Variants in PCDH9 observed in about 807,000 individuals in gnomAD.
PCDH9 encodes the protein protocadherin 9, also known as protocadherin-9.
A neutral mutation model predicts 70.6 loss-of-function variants in PCDH9; 24 were observed. The observed-to-expected ratio is 0.34, with a 90% CI of 0.25 to 0.48. The LOEUF is 0.48. Among genes scored for constraint, PCDH9 ranks in the 20% least tolerant of loss-of-function variants. PCDH9 has a pLI of 0.99. For synonymous variants in PCDH9, 562 were observed against 558.5 expected (o/e 1.01, Z -0.09); for missense variants, 1,281 against 1,503.6 (o/e 0.85, Z 2.45).
Position 67,226,104 on chromosome 13 carries a change from T to C in PCDH9, c.2337A>G (p.Gly779=). The change falls in exon 2 of 5, where the codon GGA becomes GGG. Residue 779 remains glycine, a synonymous_variant. Transcript: ENST00000377865. This position sits in a 1 kb window ranked among gnomAD's most constrained non-coding sequence, Gnocchi z 5.0. The part of the protein sequence containing the change: ...LVFLYVNDTA[G]NASYIYDLIR... Reference sequence around the variant, plus strand: ...TCAAGTCATAGATATAGGAGGCATTTCCAGCAGTGTCGTTAACATAAAGGA... The same window carrying C: ...TCAAGTCATAGATATAGGAGGCATTCCCAGCAGTGTCGTTAACATAAAGGA... 6.2e-7 allele frequency: 1 copy of C among 1,614,128 alleles called. No individual in the cohort carries two copies. Among genetic ancestry groups the C allele is most frequent in the Non-Finnish European group, 8.5e-7 (1 of 1,180,018 alleles).
intron 4 of PCDH9, among the ~76,000 whole-genome samples, chr13:66,317,137 T>C (rs1421795303): frequency 6.6e-6 from 1 of 152,156 alleles, no homozygotes; most frequent in Non-Finnish European, 1.5e-5. Context: ...ACACTTTGCT[T>C]TTTTCATACA....
chr13:66,509,096 G>T (rs1425872107), intron 4 of PCDH9, among the ~76,000 whole-genome samples: 4 of 152,114 alleles, frequency 2.6e-5, no homozygotes, highest in Non-Finnish European at 5.9e-5. Flanking sequence ...ATTCTCACGG[G>T]CATACACTGT....
intron 4 of PCDH9, among the ~76,000 whole-genome samples, chr13:66,519,529 C>T (rs927191655): frequency 3.3e-5 from 5 of 151,940 alleles, no homozygotes; most frequent in South Asian, 2.1e-4. Context: ...CTTCCATATA[C>T]GAAAAATAAA....
intron 2 of PCDH9, among the ~76,000 whole-genome samples, chr13:66,977,035 T>C (rs2083634060): frequency 6.6e-6 from 1 of 152,162 alleles, no homozygotes; most frequent in South Asian, 2.1e-4. Context: ...GTCTGTCATC[T>C]TTAAATGCTT....
chr13:66,448,616 C>T (rs1958144490), intron 4 of PCDH9, among the ~76,000 whole-genome samples: 1 of 152,134 alleles, frequency 6.6e-6, no homozygotes, highest in South Asian at 2.1e-4. Flanking sequence ...TTTGATAATA[C>T]CACATCACAG....
intron 4 of PCDH9, among the ~76,000 whole-genome samples, chr13:66,589,734 C>G (rs2077014721): frequency 6.6e-6 from 1 of 151,922 alleles, no homozygotes; most frequent in South Asian, 2.1e-4. Flanking sequence ...CTCTCTTATC[C>G]TATTTTCAAC....
chr13:67,194,861 A>G (rs1360231501), intron 2 of PCDH9, among the ~76,000 whole-genome samples: 1 of 152,206 alleles, frequency 6.6e-6, no homozygotes, highest in Non-Finnish European at 1.5e-5. Flanking sequence ...ACAAAACAAA[A>G]TAAAACAAAA....
chr13:67,207,294 C>T (rs1593620735), intron 2 of PCDH9: 1 of 151,988 alleles, frequency 6.6e-6, no homozygotes, highest in Non-Finnish European at 1.5e-5. Flanking sequence ...ATGATAGAGA[C>T]AGTATTAATT....
At chr13:66,678,043 A>G (rs558053501) in intron 3 of PCDH9, among the ~76,000 whole-genome samples, 1 of 152,154 alleles carries the variant, frequency 6.6e-6, no homozygotes, top group African/African-American at 2.4e-5. Flanking sequence ...GTTATTCAAC[A>G]ATCATGAACA....
chr13:66,712,693 C>T (rs191160777), intron 3 of PCDH9, among the ~76,000 whole-genome samples: 26 of 152,064 alleles, frequency 1.7e-4, no homozygotes, highest in African/African-American at 6.3e-4. Flanking sequence ...TTTTTATTTT[C>T]TATTGTTGCT....
chr13:67,107,383 A>G (rs1235329897), intron 2 of PCDH9, among the ~76,000 whole-genome samples: 3 of 152,156 alleles, frequency 2.0e-5, no homozygotes, highest in Non-Finnish European at 4.4e-5. Flanking sequence ...ATCAACACGC[A>G]TATTCTAAAG....
intron 4 of PCDH9, among the ~76,000 whole-genome samples, chr13:66,458,408 T>C (rs755644181): frequency 5.3e-5 from 8 of 152,090 alleles, no homozygotes; most frequent in Non-Finnish European, 1.2e-4. Context: ...AATAAATCTA[T>C]GTATTGGATT....
intron 3 of PCDH9, among the ~76,000 whole-genome samples, chr13:66,644,706 A>T (rs1332477058): frequency 1.3e-5 from 2 of 152,014 alleles, no homozygotes; most frequent in Non-Finnish European, 2.9e-5. Context: ...TTCAAAAAAA[A>T]GTACTTCTGC....
intron 4 of PCDH9, among the ~76,000 whole-genome samples, chr13:66,410,218 CAATGGAAAT>C (rs1957346364): frequency 4.7e-5 from 7 of 149,994 alleles, no homozygotes; most frequent in Admixed American, 4.6e-4. Flanking sequence ...AAAAAAAGCT[CAATGGAAAT>C]TTTTAAAATG....
At chr13:66,727,844 CT>C (rs1174827214) in intron 3 of PCDH9, among the ~76,000 whole-genome samples, 61 of 152,116 alleles carry the variant, frequency 4.0e-4, no homozygotes, top group African/African-American at 1.3e-3. Flanking sequence ...AATATCATAT[CT>C]AAATTAAATG....
intron 3 of PCDH9, among the ~76,000 whole-genome samples, chr13:66,783,897 A>G (rs1035403553): frequency 2.0e-5 from 3 of 152,158 alleles, no homozygotes; most frequent in Non-Finnish European, 4.4e-5. Context: ...TTTTAAATTC[A>G]TTTTAATGAT....
intron 2 of PCDH9, among the ~76,000 whole-genome samples, chr13:67,161,986 T>C (rs892482171): frequency 3.9e-5 from 6 of 152,214 alleles, no homozygotes; most frequent in Admixed American, 1.3e-4. Flanking sequence ...ACTTATTAGC[T>C]AGCCTAATCC....
At chr13:66,682,096 T>G (rs1397826092) in intron 3 of PCDH9, among the ~76,000 whole-genome samples, 1 of 151,910 alleles carries the variant, frequency 6.6e-6, no homozygotes, top group Non-Finnish European at 1.5e-5. Context: ...ACTCAAAGCC[T>G]GCATACCTGT....
rs543433048 is a variant in PCDH9 at position 66,686,330 on chromosome 13, A to G, written c.3139-54919T>C. 2.0e-5 allele frequency among the ~76,000 whole-genome samples: 3 copies of G among 152,254 alleles called. No individual in the cohort carries two copies. The South Asian group carries it at 6.2e-4, about 32-fold the overall frequency. On this transcript the variant is annotated intron_variant, in intron 3 of 4. Coordinates refer to ENST00000377865, the MANE Select transcript of PCDH9 (RefSeq NM_203487.3). ...GCACTTATCTTTCCTGCCATCATTGAAGAAAGATGTGTTTGCTTCCCCTTC... is the reference window on the plus strand; with the variant it reads ...GCACTTATCTTTCCTGCCATCATTGGAGAAAGATGTGTTTGCTTCCCCTTC...
Sources: gnomAD v4.1 joint callset for allele counts (sites outside exome capture counted in the v4.1 genomes callset) on GRCh38, gnomAD v4.1.1 for gene constraint, Gnocchi (gnomAD v3.1) non-coding constraint, MANE v1.5 for transcripts, NCBI Gene and HGNC (gene_info 2026-07-23, HGNC 2026-07-21) for gene names.